The following COL8A1 variants were observed in gnomAD, a reference collection of about 807,000 sequenced individuals.
The protein encoded by COL8A1 is collagen alpha-1(VIII) chain.
In COL8A1, 21 loss-of-function variants were observed where a neutral mutation model predicts 42.7. That is an observed-to-expected ratio of 0.49 (90% CI 0.35 to 0.71). The LOEUF is 0.71. Ranked by LOEUF, COL8A1 falls within the 30% of genes least tolerant of loss-of-function variation. The probability of loss-of-function intolerance (pLI) is 0.01; values close to 1 mark genes in which losing one functional copy is unlikely to be tolerated. For missense variants in COL8A1, 788 were observed against 962.4 expected (o/e 0.82, Z 2.40); for synonymous variants, 367 against 369.1 (o/e 0.99, Z 0.06).
chr3:99,750,077 GAC>G (rs1183318320), intron 2 of COL8A1, among the ~76,000 whole-genome samples: 2 of 44,492 alleles, frequency 4.5e-5, no homozygotes, highest in Admixed American at 3.4e-4. Flanking sequence ...TTTTTTTTGA[GAC>G]AGATTCTTGC....
chr3:99,795,301 A>C lies in COL8A1; in HGVS notation c.1400A>C (p.Lys467Thr). 1 of 1,610,350 alleles carries C rather than the reference A, an allele frequency of 6.2e-7. No individual in the cohort carries two copies. Among genetic ancestry groups the C allele is most frequent in the East Asian group, 2.2e-5 (1 of 44,776 alleles). The change falls in exon 4 of 4, where the codon AAA becomes ACA. Residue 467 changes from lysine (K) to threonine (T), a missense_variant. By Grantham distance (78) the Lys-to-Thr change is moderately conservative (BLOSUM62 -1). Transcript: ENST00000652472. Reference sequence around the variant, plus strand: ...GGGCCCAAGGGGGAAGCTGGGCAAAAAGGTGTACCAGGACTCCCTGGTGTT... The same window carrying C: ...GGGCCCAAGGGGGAAGCTGGGCAAACAGGTGTACCAGGACTCCCTGGTGTT... ...PIGPKGEAGQ[K>T]GVPGLPGVPG...
chr3:99,651,965 G>T (rs1239241105), intron 1 of COL8A1, among the ~76,000 whole-genome samples: 1 of 152,216 alleles, frequency 6.6e-6, no homozygotes, highest in Admixed American at 6.5e-5. Flanking sequence ...AATTATGGGT[G>T]TGTATTTTCC....
At chr3:99,760,564 G>T (rs1459333560) in intron 2 of COL8A1, among the ~76,000 whole-genome samples, 1 of 152,142 alleles carries the variant, frequency 6.6e-6, no homozygotes, top group Non-Finnish European at 1.5e-5. Flanking sequence ...AGTCGAGAAT[G>T]AACATAAATT....
At chr3:99,748,474 AAAGT>A (rs758601255) in intron 2 of COL8A1, among the ~76,000 whole-genome samples, 249 of 151,928 alleles carry the variant, frequency 1.6e-3, no homozygotes, top group Non-Finnish European at 2.7e-3. Flanking sequence ...GAGTTAAATA[AAAGT>A]AATAAGTATA....
intron 1 of COL8A1, among the ~76,000 whole-genome samples, chr3:99,669,141 ATATAT>A (rs1938456386): frequency 8.2e-6 from 1 of 121,856 alleles, no homozygotes; most frequent in Non-Finnish European, 1.7e-5. Flanking sequence ...ATATATATAT[ATATAT>A]AGAGGGAGAG....
intron 1 of COL8A1, among the ~76,000 whole-genome samples, chr3:99,720,925 G>A (rs757035562): frequency 2.0e-5 from 3 of 152,108 alleles, no homozygotes; most frequent in Non-Finnish European, 4.4e-5. Context: ...CCTTCATAGT[G>A]ATCCCCTTAC....
Position 99,794,193 on chromosome 3 carries a change from C to A in COL8A1, c.329-37C>A, listed in dbSNP as rs367857878. The A allele has an allele frequency of 2.2e-6, 3 of 1,347,332 alleles. No homozygotes were observed. The highest frequency in any genetic ancestry group is 2.3e-5 in the Admixed American group (1 of 42,584). 83.5% of individuals were successfully genotyped at this position (1,347,332 alleles called of 1,614,324 possible). A position where few individuals can be genotyped will look rare whatever the true frequency, so the allele number is the denominator to read the frequency against. On this transcript the variant is annotated intron_variant, in intron 3 of 3. Coordinates refer to ENST00000652472, the MANE Select transcript of COL8A1 (RefSeq NM_020351.4). The surrounding 1 kb of genome is among the most constrained non-coding windows in gnomAD (Gnocchi z 4.3). ...AATCTACTAATCAATCTCTCTCTCT[C>A]CCCCCATACCCCTTCTCTCTCTTCT...
intron 2 of COL8A1, among the ~76,000 whole-genome samples, chr3:99,750,490 T>C (rs1941123064): frequency 1.3e-5 from 2 of 152,164 alleles, no homozygotes; most frequent in Admixed American, 1.3e-4. Flanking sequence ...AAAAAACATA[T>C]ATTGCTTTTA....
At chr3:99,770,121 T>C (rs1294301932) in intron 2 of COL8A1, among the ~76,000 whole-genome samples, 3 of 152,160 alleles carry the variant, frequency 2.0e-5, no homozygotes, top group South Asian at 2.1e-4. Flanking sequence ...TATGGTCTAG[T>C]GTTAATTAAC....
chr3:99,710,221 G>A (rs1214346027), intron 1 of COL8A1, among the ~76,000 whole-genome samples: 2 of 152,094 alleles, frequency 1.3e-5, no homozygotes, highest in Non-Finnish European at 2.9e-5. Flanking sequence ...TGTCATCCAT[G>A]GAACTGGGAT....
chr3:99,705,287 T>G (rs887803816), intron 1 of COL8A1, among the ~76,000 whole-genome samples: 1 of 152,224 alleles, frequency 6.6e-6, no homozygotes, highest in Non-Finnish European at 1.5e-5. Context: ...TGTTATGAAT[T>G]AAGTAGGCCT....
intron 1 of COL8A1, among the ~76,000 whole-genome samples, chr3:99,677,466 A>G (rs1427556685): frequency 6.6e-6 from 1 of 152,118 alleles, no homozygotes; most frequent in Non-Finnish European, 1.5e-5. Context: ...TTTTAAATTG[A>G]TTTTATTTAC....
chr3:99,765,216 C>G (rs887302222), intron 2 of COL8A1, among the ~76,000 whole-genome samples: 3 of 152,158 alleles, frequency 2.0e-5, no homozygotes, highest in African/African-American at 7.2e-5. Flanking sequence ...CACTATTCCC[C>G]TCTGTCTTAA....
chr3:99,710,135 C>G (rs906183189), intron 1 of COL8A1, among the ~76,000 whole-genome samples: 1 of 152,114 alleles, frequency 6.6e-6, no homozygotes, highest in African/African-American at 2.4e-5. Flanking sequence ...AAGGCTGTAT[C>G]GCTGAAATAA....
chr3:99,744,153 A>G (rs1175186820), intron 1 of COL8A1, among the ~76,000 whole-genome samples: 6 of 151,882 alleles, frequency 4.0e-5, no homozygotes, highest in Non-Finnish European at 7.4e-5. Context: ...GATGGTCTCA[A>G]TCTCCTGACC....
chr3:99,676,564 C>A (rs563523138), intron 1 of COL8A1, among the ~76,000 whole-genome samples: 82 of 152,208 alleles, frequency 5.4e-4, no homozygotes, highest in Admixed American at 1.1e-3. Context: ...AAGTGCCTAG[C>A]AAACCAAGAA....
intron 2 of COL8A1, among the ~76,000 whole-genome samples, chr3:99,764,499 A>T (rs1941422106): frequency 6.6e-6 from 1 of 152,152 alleles, no homozygotes; most frequent in African/African-American, 2.4e-5. Context: ...CCATTCAAAC[A>T]AGTAATATGT....
intron 1 of COL8A1, among the ~76,000 whole-genome samples, chr3:99,722,460 C>T (rs978058695): frequency 1.3e-5 from 2 of 152,072 alleles, no homozygotes; most frequent in Non-Finnish European, 2.9e-5. Flanking sequence ...CCTGACAAGA[C>T]TTATATTAAA....
chr3:99,722,060 T>C (rs1231881970), intron 1 of COL8A1, among the ~76,000 whole-genome samples: 1 of 152,180 alleles, frequency 6.6e-6, no homozygotes. Flanking sequence ...CTATGAACTT[T>C]TTTCAATGCC....
Sources: gnomAD v4.1 joint callset for allele counts (sites outside exome capture counted in the v4.1 genomes callset) on GRCh38, gnomAD v4.1.1 for gene constraint, Gnocchi (gnomAD v3.1) non-coding constraint, MANE v1.5 for transcripts, NCBI Gene and HGNC (gene_info 2026-07-23, HGNC 2026-07-21) for gene names.